RBMS3: variants seen among roughly 807,000 people sequenced by gnomAD.
RBMS3 encodes the protein RNA binding motif single stranded interacting protein 3, also known as RNA-binding motif, single-stranded-interacting protein 3.
RBMS3 carries 27 observed loss-of-function variants against 66.8 expected under a neutral mutation model. The observed-to-expected ratio is 0.40, with a 90% CI of 0.30 to 0.56. RBMS3 has a LOEUF of 0.56. Among genes scored for constraint, RBMS3 ranks in the 20% least tolerant of loss-of-function variants. The pLI is 0.40. For missense variants in RBMS3, 513 were observed against 549.5 expected, an observed-to-expected ratio of 0.93 and a Z score of 0.66; for synonymous variants, 188 against 183.0, an observed-to-expected ratio of 1.03 and a Z score of -0.22.
At chr3:29,322,928 T>G (rs1013753179) in intron 1 of RBMS3, among the ~76,000 whole-genome samples, 1 of 152,120 alleles carries the variant, frequency 6.6e-6, no homozygotes, top group African/African-American at 2.4e-5. Context: ...CTTTTGACCT[T>G]TCTTGCTAGA....
intron 1 of RBMS3, among the ~76,000 whole-genome samples, chr3:29,311,436 G>A (rs766412392): frequency 2.0e-5 from 3 of 151,752 alleles, no homozygotes; most frequent in Non-Finnish European, 4.4e-5. Context: ...TGCACTGCCA[G>A]ATTGGTTGAA....
chr3:29,408,739 A>G (rs1246835618), intron 1 of RBMS3, among the ~76,000 whole-genome samples: 1 of 152,212 alleles, frequency 6.6e-6, no homozygotes, highest in African/African-American at 2.4e-5. Context: ...TAATCGCTGT[A>G]CCAACTAATA....
chr3:29,481,237 C>G (rs2043120412), intron 2 of RBMS3, among the ~76,000 whole-genome samples: 1 of 152,150 alleles, frequency 6.6e-6, no homozygotes, highest in Non-Finnish European at 1.5e-5. Context: ...AAATGAAACA[C>G]AGTGGGGTGG....
At chr3:29,905,297 A>C (rs2060350093) in intron 10 of RBMS3, among the ~76,000 whole-genome samples, 1 of 152,098 alleles carries the variant, frequency 6.6e-6, no homozygotes, top group Non-Finnish European at 1.5e-5. Flanking sequence ...TATTCCATGC[A>C]AAATACCTTA....
rs58702096 is a variant in RBMS3 at position 29,517,271 on chromosome 3, ATGTGTGTG to A, written c.307+28802_307+28809del. Among the ~76,000 whole-genome samples the A allele has an allele frequency of 7.3e-3, 944 of 129,630 alleles. 8 individuals are homozygous for A. Among genetic ancestry groups the A allele is most frequent in the African/African-American group, 0.023 (815 of 35,116 alleles). 85.0% of individuals were successfully genotyped at this position (129,630 alleles called of 152,430 possible). A position where few individuals can be genotyped will look rare whatever the true frequency, so the allele number is the denominator to read the frequency against. On this transcript the variant is annotated intron_variant, in intron 3 of 14. Transcript: ENST00000383767. Reference sequence around the variant, plus strand: ...CTGTGTATGTGAGGTGATTTCATATATGTGTGTGTGTGTGTGTGTGTGTGTGTGTGTGT... The same window carrying A: ...CTGTGTATGTGAGGTGATTTCATATATGTGTGTGTGTGTGTGTGTGTGTGT...
At chr3:29,451,073 A>C (rs1216372256) in intron 2 of RBMS3, among the ~76,000 whole-genome samples, 1 of 152,162 alleles carries the variant, frequency 6.6e-6, no homozygotes, top group African/African-American at 2.4e-5. Context: ...CCAAGTGCCC[A>C]CTAACACTTT....
intron 1 of RBMS3, among the ~76,000 whole-genome samples, chr3:29,371,781 G>C (rs1056707191): frequency 2.0e-5 from 3 of 152,202 alleles, no homozygotes; most frequent in African/African-American, 7.2e-5. Context: ...TACTCTGGAG[G>C]AGAGAGGAAT....
At chr3:29,623,248 G>A (rs1051438012) in intron 4 of RBMS3, among the ~76,000 whole-genome samples, 1 of 150,946 alleles carries the variant, frequency 6.6e-6, no homozygotes, top group Non-Finnish European at 1.5e-5. Context: ...TGTAATTAAA[G>A]CACTACTTTA....
intron 1 of RBMS3, among the ~76,000 whole-genome samples, chr3:29,406,126 T>G (rs1488830701): frequency 1.3e-5 from 2 of 152,168 alleles, no homozygotes; most frequent in Non-Finnish European, 2.9e-5. Context: ...GCAAATTAAA[T>G]TAGGTATCTT....
At chr3:29,969,461 C>T (rs1026767207) in intron 12 of RBMS3, among the ~76,000 whole-genome samples, 2 of 152,116 alleles carry the variant, frequency 1.3e-5, no homozygotes, top group African/African-American at 4.8e-5. Context: ...TCTTTATATT[C>T]ATTTGCATTT....
At chr3:29,636,835 G>A (rs1399425625) in intron 4 of RBMS3, among the ~76,000 whole-genome samples, 3 of 151,798 alleles carry the variant, frequency 2.0e-5, no homozygotes, top group East Asian at 1.9e-4. Context: ...TTTTATTTTC[G>A]TTAATGAGTA....
At chr3:29,714,815 T>C (rs894602831) in intron 4 of RBMS3, among the ~76,000 whole-genome samples, 6 of 151,588 alleles carry the variant, frequency 4.0e-5, no homozygotes, top group African/African-American at 1.5e-4. Flanking sequence ...ATAAAGACAA[T>C]GTTGAATGGG....
intron 3 of RBMS3, among the ~76,000 whole-genome samples, chr3:29,542,947 C>G (rs921613995): frequency 6.6e-6 from 1 of 152,062 alleles, no homozygotes; most frequent in Admixed American, 6.6e-5. Flanking sequence ...AGAAGCAATG[C>G]AAATATTTTT....
chr3:29,863,317 T>C (rs2059265174), intron 6 of RBMS3, among the ~76,000 whole-genome samples: 1 of 152,006 alleles, frequency 6.6e-6, no homozygotes, highest in Non-Finnish European at 1.5e-5. Context: ...TGTATACATA[T>C]GTATACATAT....
At chr3:29,939,607 A>T (rs1488875516) in intron 11 of RBMS3, among the ~76,000 whole-genome samples, 1 of 151,872 alleles carries the variant, frequency 6.6e-6, no homozygotes, top group Non-Finnish European at 1.5e-5. Flanking sequence ...GTTTGTCCCA[A>T]GAACTCCCAG....
chr3:29,318,076 C>T (rs74561668), intron 1 of RBMS3, among the ~76,000 whole-genome samples: 17 of 151,754 alleles, frequency 1.1e-4, no homozygotes, highest in Admixed American at 9.2e-4. Flanking sequence ...ATGTTAAACA[C>T]TTTTCTATTG....
intron 2 of RBMS3, among the ~76,000 whole-genome samples, chr3:29,435,818 C>CA (rs1381115340): frequency 6.6e-6 from 1 of 151,652 alleles, no homozygotes; most frequent in Non-Finnish European, 1.5e-5. Flanking sequence ...ACTGAAAATA[C>CA]AAAAAAATTA....
intron 3 of RBMS3, among the ~76,000 whole-genome samples, chr3:29,545,618 T>G (rs572077364): frequency 6.6e-6 from 1 of 152,270 alleles, no homozygotes; most frequent in East Asian, 1.9e-4. Context: ...AAAGAAATAG[T>G]GTGTTGTATT....
chr3:29,963,202 C>A (rs1358257143), intron 12 of RBMS3, among the ~76,000 whole-genome samples: 1 of 152,096 alleles, frequency 6.6e-6, no homozygotes, highest in Non-Finnish European at 1.5e-5. Context: ...CATCATTTCC[C>A]AAACATTCCC....
Sources: allele counts gnomAD v4.1 joint callset (sites outside exome capture counted in the v4.1 genomes callset), GRCh38; gene constraint gnomAD v4.1.1; transcripts MANE v1.5; gene names NCBI Gene and HGNC (gene_info 2026-07-23, HGNC 2026-07-21).